CNTNAP2: variants seen among roughly 807,000 people sequenced by gnomAD.
CNTNAP2 encodes the protein contactin associated protein 2, also known as contactin-associated protein-like 2.
In CNTNAP2, 98 loss-of-function variants were observed where a neutral mutation model predicts 155.2. That is an observed-to-expected ratio of 0.63 (90% CI 0.54 to 0.75). The LOEUF (loss-of-function observed/expected upper bound fraction) is 0.75. CNTNAP2 is among the 30% of genes least tolerant of loss of function. The pLI is 0.00. For missense variants in CNTNAP2, 1,727 were observed against 1,688.1 expected (o/e 1.02, Z -0.40); for synonymous variants, 651 against 631.2 (o/e 1.03, Z -0.47).
chr7:147,997,798 A>G (rs1427546068), intron 15 of CNTNAP2, among the ~76,000 whole-genome samples: 2 of 152,152 alleles, frequency 1.3e-5, no homozygotes, highest in Non-Finnish European at 2.9e-5. Context: ...TGTTACCAGT[A>G]AGCATGTTCT....
At chr7:146,691,752 C>T (rs938679182) in intron 1 of CNTNAP2, among the ~76,000 whole-genome samples, 35 of 152,098 alleles carry the variant, frequency 2.3e-4, no homozygotes, top group African/African-American at 8.0e-4. Flanking sequence ...TCTCCTCCCC[C>T]TTTTGCATTC....
intron 10 of CNTNAP2, among the ~76,000 whole-genome samples, chr7:147,405,983 C>T (rs826655): frequency 0.13 from 19,229 of 152,110 alleles, 1,477 homozygotes; most frequent in East Asian, 0.32. Context: ...CCTCTAACAA[C>T]GAGTCATTGA....
rs186107153 is a variant in CNTNAP2 at position 148,021,393 on chromosome 7, C to G, written c.2383+43404C>G. On this transcript the variant is annotated intron_variant, in intron 15 of 23. Transcript: ENST00000361727. ...TAAGTAAAATAAAATGTGAGCTGCA[C>G]TATGCTGGAAGTCAGCCCAGGGTGG... Among the ~76,000 whole-genome samples the G allele has an allele frequency of 2.3e-3, 347 of 152,300 alleles. 5 individuals carry two copies. Among genetic ancestry groups the G allele is most frequent in the African/African-American group, 8.0e-3 (334 of 41,570 alleles).
chr7:146,659,069 A>C lies in CNTNAP2; in HGVS notation c.98-115202A>C, dbSNP rs561474853. ...TTCTGGTGGCTGCTGCCAGAAACCC[A>C]ATCCCTTGTTTATTCTCTGGGTTTC... On this transcript the variant is annotated intron_variant, in intron 1 of 23. Coordinates refer to ENST00000361727, the MANE Select transcript of CNTNAP2 (RefSeq NM_014141.6). Among the ~76,000 whole-genome samples the C allele has an allele frequency of 2.0e-5, 3 of 152,244 alleles. No individual in the cohort carries two copies. The East Asian group carries it at 5.8e-4, about 29-fold the overall frequency.
intron 1 of CNTNAP2, among the ~76,000 whole-genome samples, chr7:146,725,635 T>G (rs535229493): frequency 1.3e-5 from 2 of 152,190 alleles, no homozygotes; most frequent in South Asian, 4.2e-4. Flanking sequence ...ACATCACTAT[T>G]TGTAGAACCA....
chr7:147,605,927 GTGTT>G (rs1416314763), intron 12 of CNTNAP2, among the ~76,000 whole-genome samples: 4 of 151,756 alleles, frequency 2.6e-5, no homozygotes, highest in Admixed American at 6.6e-5. Context: ...GTGTGTGTGT[GTGTT>G]TGTGTGTCTC....
intron 1 of CNTNAP2, among the ~76,000 whole-genome samples, chr7:146,737,554 G>A (rs1801641912): frequency 1.3e-5 from 2 of 152,024 alleles, no homozygotes; most frequent in South Asian, 2.1e-4. Flanking sequence ...AGTGCCTTAT[G>A]TACAGGTTAT....
chr7:147,850,629 C>T (rs1281235126), intron 13 of CNTNAP2, among the ~76,000 whole-genome samples: 1 of 152,178 alleles, frequency 6.6e-6, no homozygotes, highest in Admixed American at 6.5e-5. Flanking sequence ...ACATCTACAA[C>T]CATCTGATCT....
intron 18 of CNTNAP2, among the ~76,000 whole-genome samples, chr7:148,196,475 T>C (rs533563874): frequency 1.3e-5 from 2 of 152,010 alleles, no homozygotes; most frequent in Admixed American, 1.3e-4. Flanking sequence ...CAGCACACAG[T>C]AGAGGAAGCT....
intron 2 of CNTNAP2, among the ~76,000 whole-genome samples, chr7:146,819,892 C>G (rs944781291): frequency 1.3e-5 from 2 of 152,130 alleles, no homozygotes; most frequent in African/African-American, 2.4e-5. Flanking sequence ...TGAGAATACT[C>G]TCATATATCC....
intron 21 of CNTNAP2, among the ~76,000 whole-genome samples, chr7:148,378,685 T>TA (rs1370997833): frequency 1.5e-5 from 1 of 66,728 alleles, no homozygotes; most frequent in African/African-American, 3.7e-5. Flanking sequence ...ACGGTGGTGC[T>TA]AAAAATACGT....
intron 3 of CNTNAP2, among the ~76,000 whole-genome samples, chr7:146,854,690 T>C (rs1197456704): frequency 6.6e-6 from 1 of 152,172 alleles, no homozygotes. Context: ...TAGCACATAG[T>C]ATTATTTGCT....
chr7:146,739,128 T>C (rs544564029), intron 1 of CNTNAP2, among the ~76,000 whole-genome samples: 175 of 152,044 alleles, frequency 1.2e-3, no homozygotes, highest in African/African-American at 3.7e-3. Flanking sequence ...TAGTCTCTAT[T>C]TTATTGATTT....
chr7:148,193,110 T>C (rs1795226563), intron 18 of CNTNAP2, among the ~76,000 whole-genome samples: 1 of 152,250 alleles, frequency 6.6e-6, no homozygotes, highest in Admixed American at 6.5e-5. Context: ...AAAACAAGTT[T>C]ATTATTTTTA....
intron 1 of CNTNAP2, among the ~76,000 whole-genome samples, chr7:146,198,165 G>C (rs1298356953): frequency 1.3e-5 from 2 of 152,054 alleles, no homozygotes; most frequent in African/African-American, 4.8e-5. Context: ...AGATTTGGGT[G>C]GGCACACAGG....
chr7:147,783,356 A>G (rs1330076615), intron 13 of CNTNAP2, among the ~76,000 whole-genome samples: 1 of 152,112 alleles, frequency 6.6e-6, no homozygotes, highest in African/African-American at 2.4e-5. Context: ...TAAGTTTTCC[A>G]TTTAAGAATA....
At chr7:146,762,111 A>T (rs1445462423) in intron 1 of CNTNAP2, among the ~76,000 whole-genome samples, 1 of 152,196 alleles carries the variant, frequency 6.6e-6, no homozygotes, top group Non-Finnish European at 1.5e-5. Flanking sequence ...ATTAGAGACA[A>T]AAAGTTGATT....
chr7:146,845,542 C>G (rs1394298914), intron 3 of CNTNAP2, among the ~76,000 whole-genome samples: 1 of 152,160 alleles, frequency 6.6e-6, no homozygotes, highest in African/African-American at 2.4e-5. Flanking sequence ...GAAGCATTCT[C>G]CAAATCTAGT....
At chr7:147,736,040 ATG>A (rs1251316946) in intron 13 of CNTNAP2, among the ~76,000 whole-genome samples, 5 of 143,482 alleles carry the variant, frequency 3.5e-5, no homozygotes, top group Non-Finnish European at 7.9e-5. Flanking sequence ...TTATATTGTT[ATG>A]TGTGAACTTG....
Sources: gnomAD v4.1 joint callset for allele counts (sites outside exome capture counted in the v4.1 genomes callset) on GRCh38, gnomAD v4.1.1 for gene constraint, MANE v1.5 for transcripts, NCBI Gene and HGNC (gene_info 2026-07-23, HGNC 2026-07-21) for gene names.